Variants in SLC1A2 observed in about 807,000 individuals in gnomAD.
SLC1A2 encodes excitatory amino acid transporter 2.
A neutral mutation model predicts 48.8 loss-of-function variants in SLC1A2; 15 were observed. The ratio of observed to expected loss-of-function variants is 0.31; its 90% CI spans 0.21 to 0.47. SLC1A2 has a LOEUF of 0.47. Among genes scored for constraint, SLC1A2 ranks in the 20% least tolerant of loss-of-function variants. SLC1A2 has a pLI of 0.99. For synonymous variants in SLC1A2, 279 were observed against 272.6 expected, an observed-to-expected ratio of 1.02 and a Z score of -0.23; for missense variants, 502 against 730.5, an observed-to-expected ratio of 0.69 and a Z score of 3.61.
chr11:35,408,328 C>G (rs1206254887), intron 1 of SLC1A2, among the ~76,000 whole-genome samples: 1 of 152,202 alleles, frequency 6.6e-6, no homozygotes, highest in Non-Finnish European at 1.5e-5. Flanking sequence ...ACCCAAATCT[C>G]AACTTGAATT....
chr11:35,401,041 A>AT (rs1855123866), intron 1 of SLC1A2, among the ~76,000 whole-genome samples: 1 of 152,194 alleles, frequency 6.6e-6, no homozygotes, highest in African/African-American at 2.4e-5. Flanking sequence ...AGGTTCAAGG[A>AT]TTTTCTGATT....
chr11:35,329,175 CTA>C lies in SLC1A2; in HGVS notation c.18-11661_18-11660del, dbSNP rs1427232353. Among the ~76,000 whole-genome samples the C allele has an allele frequency of 1.1e-4, 16 of 152,338 alleles. No individual in the cohort carries two copies. The East Asian group carries it at 3.1e-3, about 29-fold the overall frequency. On this transcript the variant is annotated intron_variant, in intron 1 of 10. Coordinates refer to ENST00000278379, the MANE Select transcript of SLC1A2 (RefSeq NM_004171.4). ...AAGGCTACATACTGTATGATTCCAA[CTA>C]TATGACATTCTGGAAAAGGCAAAAC...
chr11:35,357,912 C>T (rs1429764943), intron 1 of SLC1A2, among the ~76,000 whole-genome samples: 1 of 152,100 alleles, frequency 6.6e-6, no homozygotes, highest in Non-Finnish European at 1.5e-5. Context: ...TTTGGGAGGC[C>T]AAGGTGTGCA....
intron 1 of SLC1A2, among the ~76,000 whole-genome samples, chr11:35,407,101 C>A (rs1167355198): frequency 2.0e-5 from 3 of 149,286 alleles, no homozygotes; most frequent in East Asian, 2.0e-4. Flanking sequence ...AAAAAAAAAA[C>A]AGCAAGCACT....
At chr11:35,415,403 T>C (rs781304495) in intron 1 of SLC1A2, among the ~76,000 whole-genome samples, 3 of 152,372 alleles carry the variant, frequency 2.0e-5, no homozygotes, top group South Asian at 4.1e-4. Context: ...GGTTTTCTCA[T>C]AGCTCTACTA....
chr11:35,317,846 AG>A (rs1209212437), intron 1 of SLC1A2, among the ~76,000 whole-genome samples: 1 of 152,182 alleles, frequency 6.6e-6, no homozygotes, highest in African/African-American at 2.4e-5. Flanking sequence ...GCTAAAATAG[AG>A]ATCCAAATCC....
Position 35,286,722 on chromosome 11 carries a change from A to G in SLC1A2, c.1286+35T>C. The G allele has an allele frequency of 2.6e-6, 4 of 1,520,668 alleles. 1 individual carries two copies. The highest frequency in any genetic ancestry group is 3.6e-6 in the Non-Finnish European group (4 of 1,106,574). The allele number at this position is 1,520,668 out of a possible 1,614,324, so 94.2% of individuals were successfully genotyped here. A position where few individuals can be genotyped will look rare whatever the true frequency, so the allele number is the denominator to read the frequency against. On this transcript the variant is annotated intron_variant, in intron 8 of 10. Transcript: ENST00000278379. ...AGTTAGTGTGGAGGGGAAACAGGGT[A>G]GAGGTTGTTTTGTGTTTTACCCCAC... is the stretch of plus-strand genomic sequence containing the variant.
intron 1 of SLC1A2, among the ~76,000 whole-genome samples, chr11:35,361,547 A>G (rs1590228745): frequency 1.3e-5 from 2 of 151,688 alleles, no homozygotes; most frequent in Admixed American, 1.3e-4. Flanking sequence ...TGCTTCCCCC[A>G]CCCCTTGTCA....
At chr11:35,374,291 G>A in intron 1 of SLC1A2, 2 of 1,030,256 alleles carry the variant, frequency 1.9e-6, no homozygotes, top group South Asian at 1.3e-5. Flanking sequence ...TCAGGGATGT[G>A]GCCACAGAAT....
intron 1 of SLC1A2, among the ~76,000 whole-genome samples, chr11:35,365,063 G>A (rs1853795959): frequency 6.6e-6 from 1 of 152,228 alleles, no homozygotes; most frequent in African/African-American, 2.4e-5. Flanking sequence ...AACAGGTCAA[G>A]AAACTGAGGC....
intron 1 of SLC1A2, chr11:35,380,646 G>C (rs1010696939): frequency 1.1e-5 from 4 of 372,126 alleles, no homozygotes; most frequent in African/African-American, 8.3e-5. Flanking sequence ...TGCATAAAGA[G>C]GTATATAAAT....
At position 35,265,549 on chromosome 11, in the gene SLC1A2, G is replaced by A. The variant is rs1221782144; in HGVS notation, c.1631C>T (p.Ser544Phe). The change falls in exon 10 of 11, where the codon TCT becomes TTT. Residue 544 changes from serine to phenylalanine, a missense_variant. Physicochemically the swap from Ser to Phe is radical, Grantham distance 155. Around this residue, in one of 4 missense-constraint regions of SLC1A2, gnomAD observed 102 missense variants for 107.2 expected, o/e 0.95. Transcript: ENST00000278379. ...SNQCVYAAHNSVIVDECKVTL... is the reference protein window; with the variant it reads ...SNQCVYAAHNFVIVDECKVTL... Reference sequence around the variant, plus strand: ...TACCTTGCATTCATCTACTATGACAGAGTTGTGTGCAGCATAGACACATTG... The same window carrying A: ...TACCTTGCATTCATCTACTATGACAAAGTTGTGTGCAGCATAGACACATTG... 1 of 1,591,058 alleles carries A rather than the reference G, an allele frequency of 6.3e-7. No individual in the cohort carries two copies. The highest frequency in any genetic ancestry group is 8.6e-7 in the Non-Finnish European group (1 of 1,159,324).
intron 1 of SLC1A2, among the ~76,000 whole-genome samples, chr11:35,326,920 C>T (rs1565247206): frequency 1.3e-5 from 2 of 152,176 alleles, no homozygotes; most frequent in Admixed American, 6.5e-5. Flanking sequence ...AAAGGAGATT[C>T]TCAATCCATC....
chr11:35,281,028 T>C, intron 8 of SLC1A2, 27 bp from the exon 9 acceptor site: 1 of 1,549,494 alleles, frequency 6.5e-7, no homozygotes, highest in Non-Finnish European at 8.7e-7. Flanking sequence ...GTTCAGGTCA[T>C]GGAAATGGAA....
chr11:35,374,427 AC>A (rs1854155918), intron 1 of SLC1A2: 2 of 466,348 alleles, frequency 4.3e-6, no homozygotes. Flanking sequence ...AAGAAAAGAG[AC>A]CTACAATTTG....
chr11:35,385,380 G>A (rs1014518698), intron 1 of SLC1A2, among the ~76,000 whole-genome samples: 2 of 152,208 alleles, frequency 1.3e-5, no homozygotes, highest in African/African-American at 4.8e-5. Flanking sequence ...TTTACCAGGT[G>A]AGCAAACTGA....
At chr11:35,331,978 G>A (rs190081699) in intron 1 of SLC1A2, among the ~76,000 whole-genome samples, 13 of 152,198 alleles carry the variant, frequency 8.5e-5, no homozygotes, top group African/African-American at 3.1e-4. Flanking sequence ...AGGTACTAAG[G>A]GGACCCAAGT....
At chr11:35,399,655 A>G (rs1300120864) in intron 1 of SLC1A2, 2 of 958,726 alleles carry the variant, frequency 2.1e-6, no homozygotes, top group Non-Finnish European at 2.5e-6. Flanking sequence ...CCTACTCAAA[A>G]TAGAGGGGAT....
At chr11:35,334,214 G>T (rs1227702403) in intron 1 of SLC1A2, among the ~76,000 whole-genome samples, 1 of 152,044 alleles carries the variant, frequency 6.6e-6, no homozygotes, top group Non-Finnish European at 1.5e-5. Context: ...TTATCATCAG[G>T]CTTCCATTGC....
Sources: allele counts gnomAD v4.1 joint callset (sites outside exome capture counted in the v4.1 genomes callset), GRCh38; gene constraint gnomAD v4.1.1; regional missense constraint gnomAD v4.1.1; transcripts MANE v1.5; gene names NCBI Gene and HGNC (gene_info 2026-07-23, HGNC 2026-07-21).